KCNH1: variants seen among roughly 807,000 people sequenced by gnomAD.
KCNH1 encodes the protein voltage-gated delayed rectifier potassium channel KCNH1.
Under a neutral mutation model 69.2 loss-of-function variants are expected in KCNH1, and 27 were observed. The ratio of observed to expected loss-of-function variants is 0.39; its 90% confidence interval spans 0.29 to 0.54. The LOEUF (loss-of-function observed/expected upper bound fraction) is 0.54, where lower values mean the gene tolerates loss of function less well. Among genes scored for constraint, KCNH1 ranks in the 20% least tolerant of loss-of-function variants. The probability of loss-of-function intolerance (pLI) is 0.68; values close to 1 mark genes in which losing one functional copy is unlikely to be tolerated. For synonymous variants in KCNH1, 456 were observed against 487.7 expected (o/e 0.93, Z 0.86); for missense variants, 798 against 1,261.6 (o/e 0.63, Z 5.57).
intron 6 of KCNH1, among the ~76,000 whole-genome samples, chr1:210,949,924 A>C (rs1688031643): frequency 1.3e-5 from 2 of 152,248 alleles, no homozygotes; most frequent in Non-Finnish European, 2.9e-5. Context: ...ATTTAAAAGA[A>C]AGAATGGAAA....
intron 10 of KCNH1, among the ~76,000 whole-genome samples, chr1:210,751,651 G>A (rs954276417): frequency 1.3e-5 from 2 of 152,080 alleles, no homozygotes; most frequent in Admixed American, 1.3e-4. Context: ...TGAGAGGTAG[G>A]AGAAGAGGGG....
At chr1:211,117,598 TA>T (rs1300271059) in intron 1 of KCNH1, among the ~76,000 whole-genome samples, 1 of 152,068 alleles carries the variant, frequency 6.6e-6, no homozygotes. Flanking sequence ...TGAAAACCAA[TA>T]GAAGAATGAG....
At chr1:211,121,711 C>G (rs776237410) in intron 1 of KCNH1, among the ~76,000 whole-genome samples, 2 of 152,148 alleles carry the variant, frequency 1.3e-5, no homozygotes, top group Non-Finnish European at 2.9e-5. Flanking sequence ...AGCTTCTGCA[C>G]AGCAAAAGAA....
intron 5 of KCNH1, among the ~76,000 whole-genome samples, chr1:211,055,760 C>G (rs1378231122): frequency 6.6e-6 from 1 of 152,116 alleles, no homozygotes; most frequent in Non-Finnish European, 1.5e-5. Flanking sequence ...GTTCTGGGGC[C>G]CCCCCATTCT....
At chr1:210,867,327 G>A in intron 7 of KCNH1, among the ~76,000 whole-genome samples, 2 of 132,334 alleles carry the variant, frequency 1.5e-5, no homozygotes, top group African/African-American at 5.6e-5. Flanking sequence ...ATATGTATAT[G>A]TTTACACACA....
chr1:210,990,591 A>C (rs1455813426), intron 6 of KCNH1, among the ~76,000 whole-genome samples: 1 of 152,184 alleles, frequency 6.6e-6, no homozygotes, highest in Non-Finnish European at 1.5e-5. Flanking sequence ...CCTGGTTTCT[A>C]AACCTAGCTG....
intron 1 of KCNH1, among the ~76,000 whole-genome samples, chr1:211,124,265 G>A (rs1415856026): frequency 6.6e-6 from 1 of 152,204 alleles, no homozygotes; most frequent in Non-Finnish European, 1.5e-5. Flanking sequence ...GCCTGCTTCA[G>A]ACAGAACACA....
At chr1:210,911,347 C>A (rs1215633329) in intron 7 of KCNH1, among the ~76,000 whole-genome samples, 1 of 152,140 alleles carries the variant, frequency 6.6e-6, no homozygotes, top group Non-Finnish European at 1.5e-5. Flanking sequence ...ACTCATCTGG[C>A]TCCCCTACCA....
intron 3 of KCNH1, among the ~76,000 whole-genome samples, chr1:211,097,257 A>C (rs988807511): frequency 6.6e-6 from 1 of 152,220 alleles, no homozygotes; most frequent in Non-Finnish European, 1.5e-5. Flanking sequence ...ATATATAAAA[A>C]TAAATTCCAA....
intron 10 of KCNH1, among the ~76,000 whole-genome samples, chr1:210,691,317 A>C (rs1474610944): frequency 6.6e-6 from 1 of 152,218 alleles, no homozygotes; most frequent in African/African-American, 2.4e-5. Flanking sequence ...TCCTGGTGAG[A>C]GGAGCTGACA....
At position 210,803,380 on chromosome 1, in the gene KCNH1, G is replaced by C. The variant is rs546319545; in HGVS notation, c.1662+587C>G. Among the ~76,000 whole-genome samples the C allele has an allele frequency of 1.8e-4, 28 of 152,244 alleles. 1 individual carries two copies. The South Asian group carries it at 5.4e-3, about 29-fold the overall frequency. On this transcript the variant is annotated intron_variant, in intron 8 of 10. Coordinates refer to ENST00000271751, the MANE Select transcript of KCNH1 (RefSeq NM_172362.3). Reference sequence around the variant, plus strand: ...GCCTCCCAAAATGCTGGGATTACAGGCATGAGCCGCTGCATCTGGCCTGAC... The same window carrying C: ...GCCTCCCAAAATGCTGGGATTACAGCCATGAGCCGCTGCATCTGGCCTGAC...
chr1:210,858,565 C>T (rs1306614577), intron 7 of KCNH1: 1 of 152,234 alleles, frequency 6.6e-6, no homozygotes, highest in African/African-American at 2.4e-5. Context: ...AACTCATTTA[C>T]AGAGTTTTAT....
chr1:210,833,075 T>C (rs1685196807), intron 7 of KCNH1, among the ~76,000 whole-genome samples: 1 of 151,924 alleles, frequency 6.6e-6, no homozygotes, highest in Admixed American at 6.6e-5. Context: ...AAACAGTCCC[T>C]GGGAAGAATT....
intron 6 of KCNH1, among the ~76,000 whole-genome samples, chr1:210,982,858 A>G (rs1012964601): frequency 6.6e-6 from 1 of 152,202 alleles, no homozygotes; most frequent in African/African-American, 2.4e-5. Flanking sequence ...GACTTCCACA[A>G]TGGTTGAACT....
intron 7 of KCNH1, among the ~76,000 whole-genome samples, chr1:210,904,961 G>C (rs1466920476): frequency 6.6e-6 from 1 of 152,064 alleles, no homozygotes; most frequent in Non-Finnish European, 1.5e-5. Context: ...GAGAACAAGA[G>C]ACCACCTCCA....
chr1:211,129,692 G>T (rs946441585), intron 1 of KCNH1, among the ~76,000 whole-genome samples: 1 of 152,138 alleles, frequency 6.6e-6, no homozygotes, highest in African/African-American at 2.4e-5. Flanking sequence ...ATTTTAACCA[G>T]TTTTCTGTTT....
intron 6 of KCNH1, among the ~76,000 whole-genome samples, chr1:210,938,275 A>T (rs901154589): frequency 2.0e-5 from 3 of 152,238 alleles, no homozygotes; most frequent in Admixed American, 6.5e-5. Context: ...TCATTTGGAT[A>T]AAAATAGGAA....
chr1:210,921,975 G>A lies in KCNH1; in HGVS notation c.1033-1906C>T, dbSNP rs552821620. Among the ~76,000 whole-genome samples the A allele has an allele frequency of 3.9e-5, 6 of 152,162 alleles. No homozygotes were observed. In the East Asian group the frequency reaches 5.8e-4, roughly 15 times the overall value. ...CGGAGCCCCTCTGTCATGTGAACAC[G>A]TATAAACCATACGTAGCATAGCCTT... On this transcript the variant is annotated intron_variant, in intron 6 of 10. Coordinates refer to ENST00000271751, the MANE Select transcript of KCNH1 (RefSeq NM_172362.3).
At chr1:211,119,204 C>T (rs761362775) in intron 1 of KCNH1, among the ~76,000 whole-genome samples, 16 of 152,038 alleles carry the variant, frequency 1.1e-4, no homozygotes, top group Non-Finnish European at 1.2e-4. Flanking sequence ...ACTAAAAATA[C>T]AAAAAATTAG....
Sources: gnomAD v4.1 joint callset for allele counts (sites outside exome capture counted in the v4.1 genomes callset) on GRCh38, gnomAD v4.1.1 for gene constraint, MANE v1.5 for transcripts, NCBI Gene and HGNC (gene_info 2026-07-23, HGNC 2026-07-21) for gene names.